RASGRP3: variants seen among roughly 807,000 people sequenced by gnomAD.
The protein encoded by RASGRP3 is ras guanyl-releasing protein 3.
In RASGRP3, 54 loss-of-function variants were observed where a neutral mutation model predicts 82.7. That is an observed-to-expected ratio of 0.65 (90% CI 0.52 to 0.82). RASGRP3 has a LOEUF of 0.82. RASGRP3 is among the 40% of genes least tolerant of loss of function. The pLI, the probability that RASGRP3 is intolerant of heterozygous loss-of-function variation, is 0.00. For synonymous variants in RASGRP3, 309 were observed against 300.5 expected, an observed-to-expected ratio of 1.03 and a Z score of -0.29; for missense variants, 861 against 828.9, an observed-to-expected ratio of 1.04 and a Z score of -0.48.
intron 2 of RASGRP3, among the ~76,000 whole-genome samples, chr2:33,449,475 A>G (rs1490653708): frequency 6.6e-6 from 1 of 152,130 alleles, no homozygotes; most frequent in African/African-American, 2.4e-5. Flanking sequence ...ATTTAATAAT[A>G]TTTAGGCCGG....
chr2:33,455,947 G>C (rs751775817), intron 2 of RASGRP3, among the ~76,000 whole-genome samples: 25 of 152,104 alleles, frequency 1.6e-4, no homozygotes, highest in Non-Finnish European at 2.6e-4. Flanking sequence ...TAAACCAGCT[G>C]GATATCAGTT....
intron 1 of RASGRP3, among the ~76,000 whole-genome samples, chr2:33,511,013 C>G (rs1256396281): frequency 6.6e-6 from 1 of 152,158 alleles, no homozygotes; most frequent in Non-Finnish European, 1.5e-5. Context: ...AATGAACGTC[C>G]TTTTGCTACA....
At chr2:33,543,151 T>A (rs1194332464) in intron 12 of RASGRP3, among the ~76,000 whole-genome samples, 1 of 152,198 alleles carries the variant, frequency 6.6e-6, no homozygotes, top group Non-Finnish European at 1.5e-5. Context: ...TGGCTGGGAC[T>A]ATAGGCATGC....
At chr2:33,534,282 A>C (rs1262190440) in intron 10 of RASGRP3, 41 bp from the exon 11 acceptor site, 2 of 1,348,788 alleles carry the variant, frequency 1.5e-6, no homozygotes, top group Non-Finnish European at 2.1e-6. Flanking sequence ...TAAATAAATA[A>C]ATGTAATCCG....
chr2:33,515,872 G>T (rs1047056968), intron 3 of RASGRP3, among the ~76,000 whole-genome samples: 2 of 152,114 alleles, frequency 1.3e-5, no homozygotes, highest in Non-Finnish European at 2.9e-5. Context: ...CCAGTGCAGG[G>T]TTGCCAGATA....
intron 13 of RASGRP3, among the ~76,000 whole-genome samples, chr2:33,544,054 C>T (rs992662523): frequency 6.6e-6 from 1 of 152,192 alleles, no homozygotes; most frequent in Non-Finnish European, 1.5e-5. Context: ...TGACTCATGC[C>T]TGTAATCCCA....
At chr2:33,464,772 G>A (rs1666591933) in intron 2 of RASGRP3, among the ~76,000 whole-genome samples, 1 of 152,164 alleles carries the variant, frequency 6.6e-6, no homozygotes. Flanking sequence ...TACCCAGCCT[G>A]TGATCTGTGA....
chr2:33,558,075 G>A, intron 15 of RASGRP3, 136 bp from the exon 16 acceptor site: 1 of 1,174,964 alleles, frequency 8.5e-7, no homozygotes, highest in Non-Finnish European at 1.2e-6. Flanking sequence ...CACACCCCAT[G>A]GGCCTGAGCT....
intron 1 of RASGRP3, among the ~76,000 whole-genome samples, chr2:33,441,677 G>A (rs1266851385): frequency 6.6e-6 from 1 of 152,184 alleles, no homozygotes; most frequent in Non-Finnish European, 1.5e-5. Context: ...ACCATTTTAG[G>A]CAGGCACATA....
rs555100350 is a variant in RASGRP3, at chr2:33,534,832, C to T, written c.1161+432C>T. ...CTTGGATTACAGGCATGAGTCACCA[C>T]GCCCGGCCATTATTCCCATTTTATC... is the stretch of plus-strand genomic sequence containing the variant. On this transcript the variant is annotated intron_variant, in intron 11 of 17. Transcript: ENST00000403687. Among the ~76,000 whole-genome samples the T allele has an allele frequency of 4.6e-5, 7 of 151,972 alleles. No homozygotes were observed. The East Asian group carries it at 7.7e-4, about 17-fold the overall frequency.
At position 33,476,719 on chromosome 2, in the gene RASGRP3, G is replaced by C. The variant is rs1667401433; in HGVS notation, c.-261+12G>C. 1 of 129,096 alleles carries C rather than the reference G, an allele frequency of 7.7e-6. No individual in the cohort carries two copies. 8.0% of individuals were successfully genotyped at this position (129,096 alleles called of 1,614,324 possible). On this transcript the variant is annotated intron_variant, in intron 1 of 17. Transcript: ENST00000403687. ...ACAAAACCACCCTAGTAAGTAACTG[G>C]AGAACTTTCCTCTCTCTCTCTCTCT...
At chr2:33,499,557 T>TCAAAA (rs935144690) in intron 1 of RASGRP3, among the ~76,000 whole-genome samples, 2 of 152,022 alleles carry the variant, frequency 1.3e-5, no homozygotes, top group African/African-American at 4.8e-5. Context: ...GACCCGCATC[T>TCAAAA]CAAAACAAAA....
At chr2:33,503,662 T>C (rs1670086593) in intron 1 of RASGRP3, among the ~76,000 whole-genome samples, 2 of 152,146 alleles carry the variant, frequency 1.3e-5, no homozygotes, top group African/African-American at 2.4e-5. Flanking sequence ...AATCCCTGAT[T>C]TCAGAAGTAA....
upstream of RASGRP3, chr2:33,476,215 C>G (rs1030716943): frequency 6.6e-6 from 1 of 152,184 alleles, no homozygotes; most frequent in African/African-American, 2.4e-5. Context: ...AACAGTTGTA[C>G]TCCGGGGTTA....
chr2:33,464,195 T>A (rs1051998935), intron 2 of RASGRP3, among the ~76,000 whole-genome samples: 1 of 146,716 alleles, frequency 6.8e-6, no homozygotes, highest in African/African-American at 2.5e-5. Context: ...CTTGGCTCAC[T>A]GCAACCTCCG....
chr2:33,537,330 C>CCCAACACA (rs66749495), intron 11 of RASGRP3, among the ~76,000 whole-genome samples: 14,365 of 95,694 alleles, frequency 0.15, 1,953 homozygotes, highest in Admixed American at 0.22. Context: ...ACCGCCCCCC[C>CCCAACACA]CACACACACA....
In RASGRP3 at chr2:33,556,279, C is replaced by T. The variant is rs538556514; in HGVS notation, c.1579+712C>T. The stretch of plus-strand genomic sequence containing the variant: ...TTTTTGAGACGGAGTCTCGCTCTGT[C>T]GCCCAGGCCGGACTGCGGACTGCAG... On this transcript the variant is annotated intron_variant, in intron 15 of 17. Transcript: ENST00000403687. Among the ~76,000 whole-genome samples the T allele has an allele frequency of 7.1e-4, 43 of 60,226 alleles. 4 individuals are homozygous for T. The South Asian group carries it at 0.019, about 27-fold the overall frequency. 39.5% of individuals were successfully genotyped at this position (60,226 alleles called of 152,430 possible). A position where few individuals can be genotyped will look rare whatever the true frequency, so the allele number is the denominator to read the frequency against.
At chr2:33,466,660 CA>C (rs1187977443) in intron 2 of RASGRP3, among the ~76,000 whole-genome samples, 1 of 142,064 alleles carries the variant, frequency 7.0e-6, no homozygotes, top group Non-Finnish European at 1.5e-5. Flanking sequence ...GTGTGGGCAA[CA>C]AGAGGGAAAC....
Position 33,563,923 on chromosome 2 carries a change from T to C in RASGRP3, c.*1186T>C, listed in dbSNP as rs1462412783. The stretch of plus-strand genomic sequence containing the variant: ...GGAGAGAGAACTTGATTCAAGATAC[T>C]GAAAAATAGAGCTGGGACTGAGCCT... On this transcript the variant is annotated 3_prime_UTR_variant, in exon 18 of 18. Transcript: ENST00000403687. 1 of 152,188 alleles carries C rather than the reference T, an allele frequency of 6.6e-6. No individual in the cohort carries two copies. The highest frequency in any genetic ancestry group is 1.5e-5 in the Non-Finnish European group (1 of 68,032). 9.4% of individuals were successfully genotyped at this position (152,188 alleles called of 1,614,324 possible).
Sources: gnomAD v4.1 joint callset for allele counts (sites outside exome capture counted in the v4.1 genomes callset) on GRCh38, gnomAD v4.1.1 for gene constraint, MANE v1.5 for transcripts, NCBI Gene and HGNC (gene_info 2026-07-23, HGNC 2026-07-21) for gene names.